TRABD2A: variants seen among roughly 807,000 people sequenced by gnomAD.
TRABD2A encodes metalloprotease TIKI1.
TRABD2A carries 43 observed loss-of-function variants against 45.6 expected under a neutral mutation model. That is an observed-to-expected ratio of 0.94 (90% CI 0.74 to 1.22). The LOEUF is 1.22. TRABD2A is among the 50% of genes most tolerant of loss of function. The pLI is 0.00. For synonymous variants in TRABD2A, 269 were observed against 265.0 expected, an observed-to-expected ratio of 1.02 and a Z score of -0.15; for missense variants, 642 against 652.4, an observed-to-expected ratio of 0.98 and a Z score of 0.17.
chr2:84,827,479 AT>A (rs916744914), intron 5 of TRABD2A, among the ~76,000 whole-genome samples: 1 of 152,224 alleles, frequency 6.6e-6, no homozygotes, highest in African/African-American at 2.4e-5. Context: ...CTTCAAGTGC[AT>A]CCCCCTTTCT....
intron 2 of TRABD2A, among the ~76,000 whole-genome samples, chr2:84,861,437 C>T (rs1352421523): frequency 6.6e-6 from 1 of 152,076 alleles, no homozygotes; most frequent in East Asian, 1.9e-4. Context: ...CTAGATCTCG[C>T]ATGCACAGTT....
intron 2 of TRABD2A, among the ~76,000 whole-genome samples, chr2:84,857,615 G>C (rs912537414): frequency 1.3e-5 from 2 of 152,132 alleles, no homozygotes; most frequent in African/African-American, 2.4e-5. Context: ...TCCATGTCAG[G>C]TTTTCCCTTG....
chr2:84,862,467 C>T (rs1338821770), intron 2 of TRABD2A, among the ~76,000 whole-genome samples: 1 of 152,138 alleles, frequency 6.6e-6, no homozygotes, highest in African/African-American at 2.4e-5. Context: ...GAGGCAGAAA[C>T]TAGGCTGCAC....
chr2:84,833,761 T>C (rs1199656699), intron 4 of TRABD2A: 1 of 150,812 alleles, frequency 6.6e-6, no homozygotes, highest in Non-Finnish European at 1.5e-5. Flanking sequence ...TCACAGCCCC[T>C]GGGCACTTCG....
chr2:84,852,111 G>A lies in TRABD2A; in HGVS notation c.670-10104C>T, dbSNP rs1682116969. On this transcript the variant is annotated intron_variant, in intron 2 of 6. Coordinates refer to ENST00000409520, the MANE Select transcript of TRABD2A (RefSeq NM_001277053.2). ...CTCCTCTGGTTATGTTGTGGGGAGG[G>A]ACACCAACGTAACCTCCACACACAA... Among the ~76,000 whole-genome samples the A allele has an allele frequency of 2.6e-5, 4 of 152,244 alleles. No homozygotes were observed. The South Asian group carries it at 8.3e-4, about 32-fold the overall frequency.
At chr2:84,829,132 C>T (rs1165140092) in intron 5 of TRABD2A, among the ~76,000 whole-genome samples, 1 of 152,084 alleles carries the variant, frequency 6.6e-6, no homozygotes, top group Non-Finnish European at 1.5e-5. Context: ...ACTTCCCTTG[C>T]GGGCTGGTTT....
chr2:84,822,773 G>A (rs1681034526), intron 6 of TRABD2A, among the ~76,000 whole-genome samples: 1 of 152,176 alleles, frequency 6.6e-6, no homozygotes, highest in Non-Finnish European at 1.5e-5. Context: ...CCATCTGGCT[G>A]CCAGCTTCTG....
rs1359311653 is a variant in TRABD2A at position 84,832,307 on chromosome 2, A to T, written c.992-162T>A. The T allele has an allele frequency of 7.6e-6, 5 of 653,934 alleles. No homozygotes were observed. The Admixed American group carries it at 7.7e-5, about 10-fold the overall frequency. The allele number at this position is 653,934 out of a possible 1,614,324, so 40.5% of individuals were successfully genotyped here. A position where few individuals can be genotyped will look rare whatever the true frequency, so the allele number is the denominator to read the frequency against. The stretch of plus-strand genomic sequence containing the variant: ...AGCTTCTGGAATCAGGCCTGCCAAC[A>T]GTCCTGCAAGGCAGGCAGGGCAGCA... On this transcript the variant is annotated intron_variant, in intron 4 of 6. Transcript: ENST00000409520.
intron 4 of TRABD2A, chr2:84,834,042 C>G (rs566419363): frequency 1.3e-5 from 2 of 152,516 alleles, no homozygotes; most frequent in African/African-American, 2.4e-5. Context: ...GGGAGCTCAC[C>G]TAAGTCTGGC....
At chr2:84,858,925 T>G (rs1376237116) in intron 2 of TRABD2A, among the ~76,000 whole-genome samples, 1 of 152,122 alleles carries the variant, frequency 6.6e-6, no homozygotes, top group East Asian at 1.9e-4. Flanking sequence ...GCCAGGAGTT[T>G]GAGGCCAGCC....
In TRABD2A at chr2:84,863,239, C is replaced by CTTTTTTTTTTTT. The variant is rs773927512; in HGVS notation, c.669+6974_669+6985dup. On this transcript the variant is annotated intron_variant, in intron 2 of 6. Transcript: ENST00000409520. Reference sequence around the variant, plus strand: ...CCAAAAGGTTAGACTTCATGTGAATCTTTTTTTTTTTTTTTTTTTTTTTGA... The same window carrying CTTTTTTTTTTTT: ...CCAAAAGGTTAGACTTCATGTGAATCTTTTTTTTTTTTTTTTTTTTTTTTTTTTTTTTTTTGA... 3.1e-4 allele frequency among the ~76,000 whole-genome samples: 30 copies of CTTTTTTTTTTTT among 98,134 alleles called. 1 individual carries two copies. The highest frequency in any genetic ancestry group is 8.4e-4 in the African/African-American group (19 of 22,660). The allele number at this position is 98,134 out of a possible 152,430, so 64.4% of individuals were successfully genotyped here.
rs761405072 is a variant in TRABD2A, at chr2:84,839,205, A to C, written c.935T>G (p.Val312Gly). The change falls in exon 4 of 7, where the codon GTG becomes GGG. Residue 312 changes from valine to glycine, a missense_variant. Val to Gly is a moderately radical substitution (Grantham distance 109). Transcript: ENST00000409520. ...AGGGAACTCCTCCAAAAGGGCCTTC[A>C]CCCGCTTCCCTATTCTCTCATTCCG... ...YKRNERIGKR[V>G]KALLEEFPDK... The C allele has an allele frequency of 7.4e-6, 12 of 1,613,790 alleles. No individual in the cohort carries two copies. Among genetic ancestry groups the C allele is most frequent in the Non-Finnish European group, 1.0e-5 (12 of 1,179,870 alleles).
chr2:84,880,037 C>A (rs1649516199), intron 1 of TRABD2A, among the ~76,000 whole-genome samples: 1 of 146,574 alleles, frequency 6.8e-6, no homozygotes, highest in South Asian at 2.2e-4. Context: ...GAAGGATAAG[C>A]CTGGCATGGC....
intron 2 of TRABD2A, among the ~76,000 whole-genome samples, chr2:84,853,462 C>T (rs184724463): frequency 1.3e-5 from 2 of 152,276 alleles, no homozygotes; most frequent in Admixed American, 1.3e-4. Flanking sequence ...CTCATGAGAA[C>T]TCACTATCAG....
chr2:84,876,357 GA>G (rs144988579), intron 1 of TRABD2A, among the ~76,000 whole-genome samples: 10,500 of 152,298 alleles, frequency 0.069, 472 homozygotes, highest in Non-Finnish European at 0.094. Context: ...TCTGGGGAAA[GA>G]AGAGCAGCTA....
intron 2 of TRABD2A, among the ~76,000 whole-genome samples, chr2:84,866,434 C>T (rs34786219): frequency 0.026 from 3,916 of 152,286 alleles, 82 homozygotes; most frequent in South Asian, 0.057. Flanking sequence ...CTCTTATTTG[C>T]AACCTCTGCT....
intron 1 of TRABD2A, among the ~76,000 whole-genome samples, chr2:84,871,719 T>C (rs989638665): frequency 6.6e-6 from 1 of 152,116 alleles, no homozygotes; most frequent in Non-Finnish European, 1.5e-5. Flanking sequence ...ACTCCTGACC[T>C]TGTGATCCGC....
At chr2:84,868,821 A>T (rs1457471159) in intron 2 of TRABD2A, among the ~76,000 whole-genome samples, 1 of 152,244 alleles carries the variant, frequency 6.6e-6, no homozygotes, top group East Asian at 1.9e-4. Context: ...ACCAATTTCA[A>T]ATTCATTCCG....
intron 2 of TRABD2A, among the ~76,000 whole-genome samples, chr2:84,846,712 G>A (rs931432042): frequency 6.6e-6 from 1 of 152,236 alleles, no homozygotes; most frequent in African/African-American, 2.4e-5. Context: ...GAGATGTGGG[G>A]AAGTCTCTGG....
Sources: allele counts gnomAD v4.1 joint callset (sites outside exome capture counted in the v4.1 genomes callset), GRCh38; gene constraint gnomAD v4.1.1; transcripts MANE v1.5; gene names NCBI Gene and HGNC (gene_info 2026-07-23, HGNC 2026-07-21).